The following SMG5 variants were observed in gnomAD, a reference collection of about 807,000 sequenced individuals.
The protein encoded by SMG5 is nonsense-mediated mRNA decay factor SMG5.
Under a neutral mutation model 122.9 loss-of-function variants are expected in SMG5, and 53 were observed. The observed-to-expected ratio is 0.43, with a 90% CI of 0.35 to 0.54. The LOEUF is 0.54. SMG5 is among the 20% of genes least tolerant of loss of function. The probability of loss-of-function intolerance (pLI) is 0.01; values close to 1 mark genes in which losing one functional copy is unlikely to be tolerated. For missense variants in SMG5, 1,153 were observed against 1,285.6 expected (o/e 0.90, Z 1.58); for synonymous variants, 477 against 490.2 (o/e 0.97, Z 0.35).
chr1:156,271,582 T>C (rs1264067313), intron 7 of SMG5, among the ~76,000 whole-genome samples: 1 of 145,158 alleles, frequency 6.9e-6, no homozygotes, highest in Admixed American at 6.9e-5. Flanking sequence ...TTTTTTTTTT[T>C]TTTTTTTTTG....
chr1:156,253,535 G>C (rs1242672361), intron 16 of SMG5, 27 bp from the exon 17 acceptor site: 4 of 1,611,410 alleles, frequency 2.5e-6, no homozygotes, highest in African/African-American at 2.7e-5. Flanking sequence ...GAGCTGTAAG[G>C]AGTTGGGGTG....
At position 156,275,815 on chromosome 1, in the gene SMG5, G is replaced by GT. The variant is rs5777975; in HGVS notation, c.455-1130dup. ...ATCTTGTCTTTTAGATAATGTGGTGGTTTTTTTTTTTTTTTGGAGAGAAGG... is the reference window on the plus strand; with the variant it reads ...ATCTTGTCTTTTAGATAATGTGGTGGTTTTTTTTTTTTTTTTGGAGAGAAGG... On this transcript the variant is annotated intron_variant, in intron 4 of 21. Coordinates refer to ENST00000361813, the MANE Select transcript of SMG5 (RefSeq NM_015327.3). Among the ~76,000 whole-genome samples, 528 of 141,484 alleles carry GT rather than the reference G, an allele frequency of 3.7e-3. 1 individual carries two copies. Among genetic ancestry groups the GT allele is most frequent in the Middle Eastern group, 0.03 (8 of 266 alleles). The allele number at this position is 141,484 out of a possible 152,430, so 92.8% of individuals were successfully genotyped here. A position where few individuals can be genotyped will look rare whatever the true frequency, so the allele number is the denominator to read the frequency against.
At position 156,282,789 on chromosome 1, in the gene SMG5, G is replaced by C. The variant is rs918341265; in HGVS notation, c.-109C>G. Reference sequence around the variant, plus strand: ...CGCAGCCGCCGCCGCCACCGGCCCTGCTCGGCCGCCATCGCTGTGAGGCGG... The same window carrying C: ...CGCAGCCGCCGCCGCCACCGGCCCTCCTCGGCCGCCATCGCTGTGAGGCGG... On this transcript the variant is annotated 5_prime_UTR_variant, in exon 1 of 22. Coordinates refer to ENST00000361813, the MANE Select transcript of SMG5 (RefSeq NM_015327.3). 14 of 1,232,360 alleles carry C rather than the reference G, an allele frequency of 1.1e-5. No individual in the cohort carries two copies. The highest frequency in any genetic ancestry group is 2.2e-4 in the Middle Eastern group (1 of 4,572). 76.3% of individuals were successfully genotyped at this position (1,232,360 alleles called of 1,614,324 possible). A position where few individuals can be genotyped will look rare whatever the true frequency, so the allele number is the denominator to read the frequency against.
At chr1:156,273,261 A>G (rs1662515233) in intron 6 of SMG5, 100 bp downstream of exon 6, 1 of 895,456 alleles carries the variant, frequency 1.1e-6, no homozygotes, top group South Asian at 1.4e-5. Flanking sequence ...AATGAAGAGG[A>G]GCTGGGGAAA....
chr1:156,260,513 G>A lies in SMG5; in HGVS notation c.2221C>T (p.Arg741Ter). The A allele has an allele frequency of 6.3e-7, 1 of 1,590,602 alleles. No homozygotes were observed. Among genetic ancestry groups the A allele is most frequent in the Non-Finnish European group, 8.5e-7 (1 of 1,171,630 alleles). ...DMALRNLPPL[R>*]AAHRRFNFDT... Reference sequence around the variant, plus strand: ...AAGTTAAAGCGTCTGTGGGCAGCTCGGAGCGGGGGCAGGTTACGAAGAGCC... The same window carrying A: ...AAGTTAAAGCGTCTGTGGGCAGCTCAGAGCGGGGGCAGGTTACGAAGAGCC... Residue 741 changes from arginine (R) to a stop codon, truncating the protein, a stop_gained, in exon 15 of 22, where the codon CGA (arginine) becomes TGA (stop). Coordinates refer to ENST00000361813, the MANE Select transcript of SMG5 (RefSeq NM_015327.3). LOFTEE classifies it high-confidence loss of function.
rs1017230298 is a variant in SMG5, at chr1:156,260,560, C to A, written c.2174G>T (p.Ser725Ile). The A allele has an allele frequency of 6.4e-7, 1 of 1,555,432 alleles. No individual in the cohort carries two copies. Among genetic ancestry groups the A allele is most frequent in the South Asian group, 1.2e-5 (1 of 82,646 alleles). The change falls in exon 15 of 22, where the codon AGC becomes ATC. Residue 725 changes from serine (S) to isoleucine (I), a missense_variant. Transcript: ENST00000361813. ...EGCELPDLPSSLLLPEDMALR... is the reference protein window; with the variant it reads ...EGCELPDLPSILLLPEDMALR... ...AGCCATGTCCTCTGGGAGCAGAAGG[C>A]TAGAGGGGAGGTCAGGCAGTTCACA...
At chr1:156,251,329 G>A (rs989462875) in intron 20 of SMG5, 74 bp downstream of exon 20, 11 of 1,535,568 alleles carry the variant, frequency 7.2e-6, no homozygotes, top group Admixed American at 5.0e-5. Context: ...AGCCCTACCC[G>A]TTCTCCCTAG....
At chr1:156,285,652 A>G (rs1194417465), upstream of SMG5, 1 of 1,613,884 alleles carries the variant, frequency 6.2e-7, no homozygotes, top group Non-Finnish European at 8.5e-7. Context: ...GGCAGCCCCA[A>G]GAAGACCTTA....
intron 1 of SMG5, 95 bp downstream of exon 1, chr1:156,282,512 C>T (rs1663000279): frequency 7.2e-7 from 1 of 1,393,842 alleles, no homozygotes; most frequent in Admixed American, 2.1e-5. Context: ...CCGCACCTCA[C>T]CCCGACACCC....
chr1:156,253,650 G>T, intron 16 of SMG5, 142 bp from the exon 17 acceptor site: 1 of 738,002 alleles, frequency 1.4e-6, no homozygotes, highest in Non-Finnish European at 2.4e-6. Context: ...ATGAGGGGAG[G>T]AGAGGCATGG....
chr1:156,253,152 A>C, intron 17 of SMG5, 74 bp from the exon 18 acceptor site: 1 of 1,471,054 alleles, frequency 6.8e-7, no homozygotes, highest in Non-Finnish European at 9.0e-7. Context: ...GTGGTGCTCA[A>C]GGTGGCTCTA....
intron 8 of SMG5, 34 bp downstream of exon 8, chr1:156,268,256 G>GA (rs1351200743): frequency 2.5e-6 from 4 of 1,614,086 alleles, no homozygotes; most frequent in Admixed American, 1.7e-5. Context: ...ACCAACTGCA[G>GA]AAAAAACCCG....
chr1:156,266,564 G>A lies in SMG5; in HGVS notation c.1232C>T (p.Pro411Leu), dbSNP rs151108941. ...ACCTGTGCCATCACTCTGGAATGCC[G>A]GGACGGGATTCTCGCCCTCTTCCAG... Reference protein sequence around the residue: ...AELEEGENPVPAFQSDGTDEP... With the variant: ...AELEEGENPVLAFQSDGTDEP... The change falls in exon 11 of 22, where the codon CCG (proline) becomes CTG (leucine). Residue 411 changes from proline (P) to leucine (L), a missense_variant. Physicochemically the swap from Pro to Leu is moderately conservative, Grantham distance 98. Coordinates refer to ENST00000361813, the MANE Select transcript of SMG5 (RefSeq NM_015327.3). 64 of 1,614,016 alleles carry A rather than the reference G, an allele frequency of 4.0e-5. No homozygotes were observed. The highest frequency in any genetic ancestry group is 3.9e-5 in the Non-Finnish European group (46 of 1,180,046).
intron 1 of SMG5, among the ~76,000 whole-genome samples, chr1:156,280,612 G>C (rs1406223135): frequency 6.6e-6 from 1 of 152,210 alleles, no homozygotes; most frequent in Non-Finnish European, 1.5e-5. Context: ...TATCTTTGGT[G>C]CCATGGAAAG....
chr1:156,282,415 C>G (rs988207150), intron 1 of SMG5, among the ~76,000 whole-genome samples, 192 bp downstream of exon 1: 1 of 152,174 alleles, frequency 6.6e-6, no homozygotes, highest in African/African-American at 2.4e-5. Context: ...CTCCAAACCT[C>G]CCACCTACCC....
chr1:156,254,815 C>G (rs1316620631), intron 16 of SMG5, among the ~76,000 whole-genome samples: 1 of 152,122 alleles, frequency 6.6e-6, no homozygotes, highest in African/African-American at 2.4e-5. Context: ...CTTGGCCAGG[C>G]ACGGTGGCTC....
Position 156,258,992 on chromosome 1 carries a change from A to G in SMG5, c.2442+13T>C. The G allele has an allele frequency of 6.2e-7, 1 of 1,613,300 alleles. No individual in the cohort carries two copies. The highest frequency in any genetic ancestry group is 8.5e-7 in the Non-Finnish European group (1 of 1,179,670). ...GGGAGCAGAGCTGACGGGGAGGGGA[A>G]GGCCTGACTCACCATTCGGAACTGT... On this transcript the variant is annotated intron_variant, in intron 16 of 21. Transcript: ENST00000361813.
At chr1:156,259,217 C>A in intron 15 of SMG5, 54 bp from the exon 16 acceptor site, 1 of 1,495,386 alleles carries the variant, frequency 6.7e-7, no homozygotes, top group Non-Finnish European at 8.9e-7. Flanking sequence ...CTAGACCCAC[C>A]CTGCCCTCCA....
At chr1:156,263,619 C>T (rs939978740) in intron 12 of SMG5, 49 bp from the exon 13 acceptor site, 1 of 1,586,244 alleles carries the variant, frequency 6.3e-7, no homozygotes, top group Non-Finnish European at 8.6e-7. Context: ...AAACAACTGA[C>T]ACTTGGGAAC....
Sources: allele counts gnomAD v4.1 joint callset (sites outside exome capture counted in the v4.1 genomes callset), GRCh38; gene constraint gnomAD v4.1.1; transcripts MANE v1.5; gene names NCBI Gene and HGNC (gene_info 2026-07-23, HGNC 2026-07-21).